VAT1L: variants seen among roughly 807,000 people sequenced by gnomAD.
VAT1L encodes vesicle amine transport 1 like.
A neutral mutation model predicts 44.1 loss-of-function variants in VAT1L; 34 were observed. The ratio of observed to expected loss-of-function variants is 0.77; its 90% CI spans 0.59 to 1.03. The LOEUF (loss-of-function observed/expected upper bound fraction) is 1.03, where lower values mean the gene tolerates loss of function less well. VAT1L is among the 50% of genes least tolerant of loss of function. VAT1L has a pLI of 0.00. For missense variants in VAT1L, 615 were observed against 538.8 expected (o/e 1.14, Z -1.40); for synonymous variants, 253 against 202.2 (o/e 1.25, Z -2.13).
chr16:77,820,355 C>A (rs1318040722), intron 2 of VAT1L, among the ~76,000 whole-genome samples: 1 of 152,168 alleles, frequency 6.6e-6, no homozygotes, highest in Non-Finnish European at 1.5e-5. Flanking sequence ...GCTAGATGAA[C>A]CAGTGCTGCT....
intron 7 of VAT1L, among the ~76,000 whole-genome samples, chr16:77,930,469 A>G (rs1458940080): frequency 1.3e-5 from 2 of 152,170 alleles, no homozygotes. Context: ...AGTGGCAGGT[A>G]AGACTGGTAC....
At chr16:77,873,723 G>T (rs2017057529) in intron 4 of VAT1L, among the ~76,000 whole-genome samples, 1 of 152,212 alleles carries the variant, frequency 6.6e-6, no homozygotes, top group African/African-American at 2.4e-5. Flanking sequence ...ATCCGTTTTA[G>T]GTGGAGTGAT....
intron 7 of VAT1L, 95 bp from the exon 8 acceptor site, chr16:77,971,754 TG>T: frequency 7.6e-7 from 1 of 1,315,584 alleles, no homozygotes; most frequent in Non-Finnish European, 1.1e-6. Context: ...CAGCGCCCTC[TG>T]GTGGTCACTT....
intron 7 of VAT1L, among the ~76,000 whole-genome samples, chr16:77,946,008 G>A (rs186653880): frequency 1.4e-4 from 21 of 151,972 alleles, no homozygotes; most frequent in African/African-American, 4.8e-4. Flanking sequence ...CACCATGTTG[G>A]TCAGGCTGGT....
intron 7 of VAT1L, among the ~76,000 whole-genome samples, chr16:77,947,051 G>C (rs1446502888): frequency 1.3e-5 from 2 of 152,190 alleles, no homozygotes; most frequent in Non-Finnish European, 2.9e-5. Context: ...TTGCCACTTA[G>C]AGGAAAACAC....
intron 3 of VAT1L, among the ~76,000 whole-genome samples, chr16:77,848,594 G>T (rs940914611): frequency 9.9e-5 from 15 of 152,138 alleles, no homozygotes; most frequent in African/African-American, 3.6e-4. Flanking sequence ...AGGAGACACG[G>T]TTACCATGCA....
chr16:77,827,174 T>C (rs2016532118), intron 3 of VAT1L, among the ~76,000 whole-genome samples: 2 of 152,194 alleles, frequency 1.3e-5, no homozygotes, highest in South Asian at 2.1e-4. Context: ...AGAAAAGAAA[T>C]GGCTTTCAGT....
At chr16:77,892,627 C>T (rs1042136205) in intron 7 of VAT1L, 1 of 693,124 alleles carries the variant, frequency 1.4e-6, no homozygotes, top group East Asian at 3.1e-5. Flanking sequence ...ACTTCACACT[C>T]CATAATGGCA....
intron 7 of VAT1L, among the ~76,000 whole-genome samples, chr16:77,940,728 T>C (rs896221104): frequency 9.9e-5 from 15 of 152,260 alleles, no homozygotes; most frequent in Non-Finnish European, 1.8e-4. Flanking sequence ...AAAATAATAG[T>C]GGTTTTCTGT....
chr16:77,904,671 A>G (rs1222684094), intron 7 of VAT1L, among the ~76,000 whole-genome samples: 3 of 152,234 alleles, frequency 2.0e-5, no homozygotes, highest in Non-Finnish European at 4.4e-5. Context: ...AGGGAGAACA[A>G]TCGTTCAATC....
intron 1 of VAT1L, among the ~76,000 whole-genome samples, chr16:77,813,648 G>C (rs1000594168): frequency 2.6e-5 from 4 of 152,068 alleles, no homozygotes; most frequent in Non-Finnish European, 1.5e-5. Context: ...GCTTTTCCAC[G>C]TATGCTTCCC....
At chr16:77,842,352 A>G (rs1488826136) in intron 3 of VAT1L, among the ~76,000 whole-genome samples, 1 of 152,224 alleles carries the variant, frequency 6.6e-6, no homozygotes, top group Admixed American at 6.5e-5. Context: ...TGCAGAGACG[A>G]AATGGGTAAG....
intron 7 of VAT1L, among the ~76,000 whole-genome samples, chr16:77,935,026 G>A (rs965118228): frequency 1.3e-5 from 2 of 152,202 alleles, no homozygotes; most frequent in Non-Finnish European, 2.9e-5. Context: ...CTTGGTGCTC[G>A]ATTTCCTCTG....
intron 3 of VAT1L, among the ~76,000 whole-genome samples, chr16:77,861,284 C>T (rs1304528297): frequency 6.6e-6 from 1 of 152,200 alleles, no homozygotes; most frequent in Non-Finnish European, 1.5e-5. Flanking sequence ...AAAGAGACAA[C>T]ACTTGGCTTT....
At chr16:77,855,887 G>A (rs974244462) in intron 3 of VAT1L, among the ~76,000 whole-genome samples, 6 of 152,060 alleles carry the variant, frequency 3.9e-5, no homozygotes, top group African/African-American at 4.8e-5. Flanking sequence ...GCATGGTGGC[G>A]GGCACCTGTA....
At chr16:77,796,973 G>T (rs557751237) in intron 1 of VAT1L, among the ~76,000 whole-genome samples, 2 of 152,104 alleles carry the variant, frequency 1.3e-5, no homozygotes, top group Non-Finnish European at 2.9e-5. Flanking sequence ...GGCTCTAAAA[G>T]GTGTGAGGGT....
At chr16:77,893,645 T>C (rs1454240598) in intron 7 of VAT1L, among the ~76,000 whole-genome samples, 2 of 152,222 alleles carry the variant, frequency 1.3e-5, no homozygotes, top group African/African-American at 4.8e-5. Context: ...GTACTAGGCA[T>C]TGTTCTAAGT....
chr16:77,966,956 A>G (rs1232128580), intron 7 of VAT1L, among the ~76,000 whole-genome samples: 1 of 118,938 alleles, frequency 8.4e-6, no homozygotes, highest in Non-Finnish European at 1.8e-5. Context: ...AAAAAAAAAA[A>G]AAAGCACCTC....
rs937259051 is a variant in VAT1L at position 77,879,289 on chromosome 16, T to TTTTG, written c.882+81_882+84dup. 33 of 1,537,374 alleles carry TTTTG rather than the reference T, an allele frequency of 2.1e-5. No individual in the cohort carries two copies. The highest frequency in any genetic ancestry group is 3.4e-5 in the South Asian group (3 of 88,286). On this transcript the variant is annotated intron_variant, in intron 6 of 8. Transcript: ENST00000302536. This position sits in a 1 kb window ranked among gnomAD's most constrained non-coding sequence, Gnocchi z 4.1. Reference sequence around the variant, plus strand: ...TTGATTCACATGTTGAGAGCTTTGTTTTTGTTTGTTTGTTTGTTTTGAGAC... The same window carrying TTTTG: ...TTGATTCACATGTTGAGAGCTTTGTTTTTGTTTGTTTGTTTGTTTGTTTTGAGAC...
Sources: gnomAD v4.1 joint callset for allele counts (sites outside exome capture counted in the v4.1 genomes callset) on GRCh38, gnomAD v4.1.1 for gene constraint, Gnocchi (gnomAD v3.1) non-coding constraint, MANE v1.5 for transcripts, NCBI Gene and HGNC (gene_info 2026-07-23, HGNC 2026-07-21) for gene names.